The following DNAH9 variants were observed in gnomAD, a reference collection of about 807,000 sequenced individuals.
DNAH9 encodes the protein dynein axonemal heavy chain 9, also known as DNAH9 variant protein.
Under a neutral mutation model 471.6 loss-of-function variants are expected in DNAH9, and 345 were observed. The observed-to-expected ratio is 0.73, with a 90% CI of 0.67 to 0.80. The LOEUF (loss-of-function observed/expected upper bound fraction) is 0.80. DNAH9 is among the 30% of genes least tolerant of loss of function. DNAH9 has a pLI of 0.00. For synonymous variants in DNAH9, 2,093 were observed against 2,123.6 expected (o/e 0.99, Z 0.40); for missense variants, 5,407 against 5,609.2 (o/e 0.96, Z 1.15).
intron 28 of DNAH9, among the ~76,000 whole-genome samples, chr17:11,729,888 G>C (rs1469961573): frequency 6.6e-6 from 1 of 152,190 alleles, no homozygotes; most frequent in Non-Finnish European, 1.5e-5. Context: ...CAGCAGTAGG[G>C]CTCAGACCAT....
chr17:11,769,467 C>A, intron 38 of DNAH9, 138 bp downstream of exon 38: 1 of 714,814 alleles, frequency 1.4e-6, no homozygotes, highest in Admixed American at 2.2e-5. Flanking sequence ...CCCACACGCC[C>A]CTTCTCACCT....
intron 49 of DNAH9, among the ~76,000 whole-genome samples, chr17:11,842,002 A>C (rs1971052933): frequency 6.6e-6 from 1 of 151,708 alleles, no homozygotes; most frequent in South Asian, 2.1e-4. Context: ...ACAGTTTCTC[A>C]TTATAAACTT....
At chr17:11,803,962 A>C (rs1159599569) in intron 43 of DNAH9, among the ~76,000 whole-genome samples, 1 of 152,082 alleles carries the variant, frequency 6.6e-6, no homozygotes, top group African/African-American at 2.4e-5. Context: ...AAAGCAGATA[A>C]CCCCTTGCAC....
At chr17:11,779,815 A>G (rs1968601835) in intron 38 of DNAH9, among the ~76,000 whole-genome samples, 1 of 152,188 alleles carries the variant, frequency 6.6e-6, no homozygotes, top group African/African-American at 2.4e-5. Context: ...AGTGTATGTT[A>G]ATTGGATGCT....
intron 46 of DNAH9, 88 bp downstream of exon 46, chr17:11,822,150 T>A: frequency 1.4e-6 from 2 of 1,469,772 alleles, no homozygotes; most frequent in Non-Finnish European, 1.8e-6. Flanking sequence ...ACTGTCCTTA[T>A]TGATTGTCTA....
intron 67 of DNAH9, among the ~76,000 whole-genome samples, chr17:11,945,250 C>A (rs1222491129): frequency 6.6e-6 from 1 of 152,110 alleles, no homozygotes; most frequent in Non-Finnish European, 1.5e-5. Context: ...TTAACAATCA[C>A]TTTATGCTGG....
chr17:11,843,927 AAAAG>A (rs1209047908), intron 49 of DNAH9, among the ~76,000 whole-genome samples: 1 of 144,764 alleles, frequency 6.9e-6, no homozygotes, highest in Non-Finnish European at 1.5e-5. Flanking sequence ...AGAGACATAA[AAAAG>A]AAAGCTACTG....
chr17:11,784,426 C>T lies in DNAH9; in HGVS notation c.7948C>T (p.Pro2650Ser), dbSNP rs772959131. 6.2e-7 allele frequency: 1 copy of T among 1,614,206 alleles called. No homozygotes were observed. The highest frequency in any genetic ancestry group is 2.2e-5 in the East Asian group (1 of 44,870). ...FPASLQKSIP[P>S]LIDLALAFHQ... Reference sequence around the variant, plus strand: ...GGCGTCCCTGCAGAAATCCATCCCCCCACTGATCGATCTGGCCCTCGCCTT... The same window carrying T: ...GGCGTCCCTGCAGAAATCCATCCCCTCACTGATCGATCTGGCCCTCGCCTT... The change falls in exon 41 of 69, where the codon CCA (proline) becomes TCA (serine). Residue 2650 changes from proline to serine, a missense_variant. By Grantham distance (74) the Pro-to-Ser change is moderately conservative. Coordinates refer to ENST00000262442, the MANE Select transcript of DNAH9 (RefSeq NM_001372.4).
chr17:11,922,310 A>G (rs112405888), intron 61 of DNAH9, among the ~76,000 whole-genome samples: 3 of 152,166 alleles, frequency 2.0e-5, no homozygotes, highest in Non-Finnish European at 4.4e-5. Flanking sequence ...TTTTTTAAGT[A>G]TGGATTTTTA....
chr17:11,847,630 CAT>C (rs1971273005), intron 49 of DNAH9, among the ~76,000 whole-genome samples: 1 of 152,174 alleles, frequency 6.6e-6, no homozygotes, highest in Non-Finnish European at 1.5e-5. Context: ...ATTTTCAACA[CAT>C]ATGTGAAAAG....
intron 26 of DNAH9, among the ~76,000 whole-genome samples, chr17:11,708,008 CACACACAGAGAGAGAG>C (rs2074750108): frequency 4.2e-5 from 2 of 47,164 alleles, no homozygotes; most frequent in African/African-American, 1.2e-4. Context: ...CACACACACA[CACACACAGAGAGAGAG>C]AGAGAGAGAG....
At chr17:11,820,634 T>G (rs1254370030) in intron 45 of DNAH9, among the ~76,000 whole-genome samples, 1 of 152,124 alleles carries the variant, frequency 6.6e-6, no homozygotes, top group Non-Finnish European at 1.5e-5. Flanking sequence ...ATCTATCTAT[T>G]GAATTATTGA....
chr17:11,847,593 A>C (rs1283316876), intron 49 of DNAH9, among the ~76,000 whole-genome samples: 1 of 152,202 alleles, frequency 6.6e-6, no homozygotes, highest in Non-Finnish European at 1.5e-5. Context: ...TTTTGGTACC[A>C]GTGCCATAAA....
At chr17:11,859,434 G>GAAA (rs1971757832) in intron 50 of DNAH9, among the ~76,000 whole-genome samples, 2 of 141,450 alleles carry the variant, frequency 1.4e-5, no homozygotes, top group African/African-American at 5.3e-5. Context: ...AAAAAAAAAT[G>GAAA]CAGTTACTTT....
At chr17:11,721,800 C>CCTGGGTG (rs2075064903) in intron 27 of DNAH9, among the ~76,000 whole-genome samples, 2 of 152,012 alleles carry the variant, frequency 1.3e-5, no homozygotes, top group Admixed American at 6.6e-5. Flanking sequence ...ATAGCATAAC[C>CCTGGGTG]CTGGGTGCTC....
intron 38 of DNAH9, among the ~76,000 whole-genome samples, chr17:11,776,929 A>G (rs1370579560): frequency 6.6e-6 from 1 of 152,174 alleles, no homozygotes; most frequent in Admixed American, 6.5e-5. Flanking sequence ...CCACAAACCT[A>G]GCTGTACTGC....
At chr17:11,754,959 G>T (rs186282993) in intron 33 of DNAH9, among the ~76,000 whole-genome samples, 8 of 152,094 alleles carry the variant, frequency 5.3e-5, no homozygotes, top group African/African-American at 1.9e-4. Context: ...TTATAGTTTT[G>T]GATTTTACAT....
intron 61 of DNAH9, 63 bp from the exon 62 acceptor site, chr17:11,923,751 T>A (rs1974218866): frequency 1.3e-6 from 2 of 1,594,820 alleles, no homozygotes; most frequent in Non-Finnish European, 1.7e-6. Context: ...CATTTCCTTA[T>A]GAACATCAAA....
At chr17:11,841,893 T>C (rs1362383197) in intron 49 of DNAH9, among the ~76,000 whole-genome samples, 2 of 152,210 alleles carry the variant, frequency 1.3e-5, no homozygotes, top group African/African-American at 2.4e-5. Context: ...TTCAAATTTT[T>C]AGATTTCTTT....
Sources: gnomAD v4.1 joint callset for allele counts (sites outside exome capture counted in the v4.1 genomes callset) on GRCh38, gnomAD v4.1.1 for gene constraint, MANE v1.5 for transcripts, NCBI Gene and HGNC (gene_info 2026-07-23, HGNC 2026-07-21) for gene names.